Variants in ZC3H6 observed in about 807,000 individuals in gnomAD.
ZC3H6 encodes zinc finger CCCH-type containing 6.
A neutral mutation model predicts 107.7 loss-of-function variants in ZC3H6; 40 were observed. That is an observed-to-expected ratio of 0.37 (90% CI 0.29 to 0.48). The LOEUF is 0.48. Ranked by LOEUF, ZC3H6 falls within the 20% of genes least tolerant of loss-of-function variation. The probability of loss-of-function intolerance (pLI) is 0.98; values close to 1 mark genes in which losing one functional copy is unlikely to be tolerated. For synonymous variants in ZC3H6, 493 were observed against 487.9 expected (o/e 1.01, Z -0.14); for missense variants, 1,267 against 1,410.4 (o/e 0.90, Z 1.63).
intron 1 of ZC3H6, among the ~76,000 whole-genome samples, chr2:112,298,951 A>G (rs554299515): frequency 3.3e-5 from 5 of 152,332 alleles, no homozygotes; most frequent in African/African-American, 1.2e-4. Flanking sequence ...ATCTATTGAA[A>G]GAATTATTTT....
intron 11 of ZC3H6, among the ~76,000 whole-genome samples, chr2:112,327,563 A>C (rs184537379): frequency 1.3e-4 from 20 of 152,282 alleles, no homozygotes; most frequent in African/African-American, 3.6e-4. Flanking sequence ...CTTGTGAGGT[A>C]TTACTTAAGA....
chr2:112,294,803 G>T (rs950512533), intron 1 of ZC3H6, among the ~76,000 whole-genome samples: 1 of 152,088 alleles, frequency 6.6e-6, no homozygotes, highest in Non-Finnish European at 1.5e-5. Flanking sequence ...GAACATCATG[G>T]GTGACGAGGG....
rs1376369038 is a variant in ZC3H6, at chr2:112,331,995, C to G, written c.3077C>G (p.Pro1026Arg). 6.2e-7 allele frequency: 1 copy of G among 1,614,018 alleles called. No homozygotes were observed. Among genetic ancestry groups the G allele is most frequent in the Admixed American group, 1.7e-5 (1 of 60,028 alleles). ...TCCGGGGCTCTGCCTCCATATGCCCCTAAACTCTCTTCCTCAGCTGGCCTT... is the reference window on the plus strand; with the variant it reads ...TCCGGGGCTCTGCCTCCATATGCCCGTAAACTCTCTTCCTCAGCTGGCCTT... The part of the protein sequence containing the change: ...SGSGALPPYA[P>R]KLSSSAGLPL... Residue 1026 changes from proline to arginine, a missense_variant, in exon 12 of 12, where the codon CCT (proline) becomes CGT (arginine). Pro to Arg is a moderately radical substitution (Grantham distance 103). Coordinates refer to ENST00000409871, the MANE Select transcript of ZC3H6 (RefSeq NM_198581.3).
Position 112,276,006 on chromosome 2 carries a change from T to C in ZC3H6, c.12T>C (p.Ser4=), listed in dbSNP as rs1686408912. The change falls in exon 1 of 12, where the codon TCT becomes TCC. Residue 4 remains serine, a synonymous_variant. Transcript: ENST00000409871. The part of the protein sequence containing the change: MTD[S]EHAGHDREDG... The stretch of plus-strand genomic sequence containing the variant: ...GTTCTTGACCAAACATGACAGACTC[T>C]GAACATGCAGGGCACGACAGGTCGG... 1 of 1,541,226 alleles carries C rather than the reference T, an allele frequency of 6.5e-7. No homozygotes were observed. The highest frequency in any genetic ancestry group is 8.7e-7 in the Non-Finnish European group (1 of 1,143,130).
chr2:112,305,713 G>A (rs1349661213), intron 3 of ZC3H6, among the ~76,000 whole-genome samples: 5 of 152,074 alleles, frequency 3.3e-5, no homozygotes, highest in African/African-American at 1.2e-4. Flanking sequence ...TTATAGCACA[G>A]GTTTGCTATC....
At chr2:112,299,452 C>T (rs539497870) in intron 1 of ZC3H6, among the ~76,000 whole-genome samples, 3 of 152,004 alleles carry the variant, frequency 2.0e-5, no homozygotes, top group African/African-American at 7.3e-5. Flanking sequence ...TCCTGTAAGT[C>T]GAGTGTTTCT....
At chr2:112,294,354 A>G (rs1013359383) in intron 1 of ZC3H6, among the ~76,000 whole-genome samples, 1 of 152,210 alleles carries the variant, frequency 6.6e-6, no homozygotes, top group Non-Finnish European at 1.5e-5. Context: ...AACATCTAGG[A>G]AATTTTGTTC....
chr2:112,324,625 A>C lies in ZC3H6; in HGVS notation c.1814A>C (p.His605Pro), dbSNP rs1210493330. The change falls in exon 10 of 12, where the codon CAT becomes CCT. Residue 605 changes from histidine to proline, a missense_variant. Physicochemically the swap from His to Pro is moderately conservative, Grantham distance 77. This residue lies in a region of ZC3H6 where 925 missense variants were observed against 1,025.7 expected (regional missense o/e 0.90). Transcript: ENST00000409871. ...TTTTACGATAATTACTATGCACAGC[A>C]TTCTATACATAATTTTCAGCCACCC... ...AEFYDNYYAQ[H>P]SIHNFQPPNN... 6.2e-7 allele frequency: 1 copy of C among 1,609,344 alleles called. No individual in the cohort carries two copies. The highest frequency in any genetic ancestry group is 8.5e-7 in the Non-Finnish European group (1 of 1,177,250).
At chr2:112,314,439 A>G (rs1265223593) in intron 5 of ZC3H6, among the ~76,000 whole-genome samples, 2 of 152,184 alleles carry the variant, frequency 1.3e-5, no homozygotes, top group African/African-American at 4.8e-5. Context: ...AAACTAAAAA[A>G]CAAAACAAAA....
intron 5 of ZC3H6, among the ~76,000 whole-genome samples, chr2:112,315,139 CA>C (rs780982692): frequency 1.3e-4 from 20 of 152,140 alleles, no homozygotes; most frequent in Non-Finnish European, 2.8e-4. Flanking sequence ...CTATGATATA[CA>C]GGGCACAGTG....
chr2:112,295,008 C>CTGA (rs371385421), intron 1 of ZC3H6, among the ~76,000 whole-genome samples: 5,436 of 152,194 alleles, frequency 0.036, 141 homozygotes, highest in African/African-American at 0.057. Flanking sequence ...GTAGTACAGT[C>CTGA]ATTACCACTA....
intron 9 of ZC3H6, among the ~76,000 whole-genome samples, chr2:112,323,840 GAGA>G (rs1186745090): frequency 6.6e-6 from 1 of 152,178 alleles, no homozygotes; most frequent in Non-Finnish European, 1.5e-5. Flanking sequence ...ACTAGTAGGA[GAGA>G]ACCAATAAAA....
chr2:112,316,263 GAAAT>G (rs1382268754), intron 5 of ZC3H6, among the ~76,000 whole-genome samples: 4 of 114,266 alleles, frequency 3.5e-5, no homozygotes, highest in Non-Finnish European at 6.6e-5. Flanking sequence ...AAAATAGAAA[GAAAT>G]AGGCTTTTTT....
At chr2:112,290,473 C>A (rs138681059) in intron 1 of ZC3H6, among the ~76,000 whole-genome samples, 2 of 152,270 alleles carry the variant, frequency 1.3e-5, no homozygotes, top group East Asian at 3.8e-4. Flanking sequence ...CATTTACCTA[C>A]TTCGTATACT....
In ZC3H6 at chr2:112,331,551, T is replaced by G; in HGVS notation, c.2633T>G (p.Val878Gly). The G allele has an allele frequency of 1.2e-6, 2 of 1,613,958 alleles. No individual in the cohort carries two copies. The highest frequency in any genetic ancestry group is 2.2e-5 in the South Asian group (2 of 91,088). The change falls in exon 12 of 12, where the codon GTG (valine) becomes GGG (glycine). Residue 878 changes from valine to glycine, a missense_variant. By Grantham distance (109) the Val-to-Gly change is moderately radical. Coordinates refer to ENST00000409871, the MANE Select transcript of ZC3H6 (RefSeq NM_198581.3). ...AAACCCAACTTTGCAAAACACATCG[T>G]GTGGGCTCCCGAAGACTTACTTCCA... is the stretch of plus-strand genomic sequence containing the variant. ...LTKPNFAKHI[V>G]WAPEDLLPVP...
chr2:112,295,845 G>A (rs1676221939), intron 1 of ZC3H6, among the ~76,000 whole-genome samples: 1 of 152,150 alleles, frequency 6.6e-6, no homozygotes, highest in East Asian at 1.9e-4. Context: ...TGTATGTAAA[G>A]TAGGACATGA....
chr2:112,288,436 A>G (rs1264862914), intron 1 of ZC3H6, among the ~76,000 whole-genome samples: 1 of 152,206 alleles, frequency 6.6e-6, no homozygotes, highest in South Asian at 2.1e-4. Flanking sequence ...TAGGTGGTAC[A>G]GTGCTAGGTA....
intron 3 of ZC3H6, among the ~76,000 whole-genome samples, 160 bp from the exon 4 acceptor site, chr2:112,309,725 G>A (rs1326243741): frequency 6.6e-6 from 1 of 152,190 alleles, no homozygotes; most frequent in Non-Finnish European, 1.5e-5. Context: ...TGAAGTTAGT[G>A]TTAAGTAGTA....
At chr2:112,279,452 A>G (rs1300666014) in intron 1 of ZC3H6, among the ~76,000 whole-genome samples, 2 of 152,222 alleles carry the variant, frequency 1.3e-5, no homozygotes, top group African/African-American at 4.8e-5. Flanking sequence ...ATTTTTTAGC[A>G]TGAACCTTTT....
Sources: allele counts gnomAD v4.1 joint callset (sites outside exome capture counted in the v4.1 genomes callset), GRCh38; gene constraint gnomAD v4.1.1; regional missense constraint gnomAD v4.1.1; transcripts MANE v1.5; gene names NCBI Gene and HGNC (gene_info 2026-07-23, HGNC 2026-07-21).